SNX10: variants seen among roughly 807,000 people sequenced by gnomAD.
The protein encoded by SNX10 is sorting nexin 10.
Under a neutral mutation model 28.5 loss-of-function variants are expected in SNX10, and 25 were observed. That is an observed-to-expected ratio of 0.88 (90% CI 0.64 to 1.22). The LOEUF (loss-of-function observed/expected upper bound fraction) is 1.22. Ranked by LOEUF, SNX10 falls within the 50% of genes most tolerant of loss-of-function variation. The pLI, the probability that SNX10 is intolerant of heterozygous loss-of-function variation, is 0.00. For synonymous variants in SNX10, 62 were observed against 81.4 expected (o/e 0.76, Z 1.28); for missense variants, 223 against 242.6 (o/e 0.92, Z 0.54).
chr7:26,309,442 C>A (rs1180018908), intron 1 of SNX10, among the ~76,000 whole-genome samples: 5 of 151,950 alleles, frequency 3.3e-5, no homozygotes, highest in Non-Finnish European at 5.9e-5. Flanking sequence ...TGATTATGTA[C>A]TGGACTGACT....
chr7:26,339,530 C>CTTT lies in SNX10; in HGVS notation c.-23-6880_-23-6878dup, dbSNP rs142702810. Among the ~76,000 whole-genome samples, 186 of 95,952 alleles carry CTTT rather than the reference C, an allele frequency of 1.9e-3. 16 individuals are homozygous for CTTT. Among genetic ancestry groups the CTTT allele is most frequent in the Middle Eastern group, 7.9e-3 (1 of 126 alleles). The allele number at this position is 95,952 out of a possible 152,430, so 62.9% of individuals were successfully genotyped here. On this transcript the variant is annotated intron_variant, in intron 1 of 6. Coordinates refer to ENST00000338523, the MANE Select transcript of SNX10 (RefSeq NM_013322.3). The stretch of plus-strand genomic sequence containing the variant: ...TTTGTTTGTTGTTGTTGAGCTTGAT[C>CTTT]TTTTTTTTTTTTCTTTTTTTTTTGA...
chr7:26,325,153 T>C (rs1183508069), intron 1 of SNX10, among the ~76,000 whole-genome samples: 1 of 151,464 alleles, frequency 6.6e-6, no homozygotes, highest in Non-Finnish European at 1.5e-5. Flanking sequence ...CTGTGACTAA[T>C]AAGATTAGGA....
At chr7:26,339,197 A>G (rs1214374310) in intron 1 of SNX10, among the ~76,000 whole-genome samples, 1 of 152,214 alleles carries the variant, frequency 6.6e-6, no homozygotes, top group Non-Finnish European at 1.5e-5. Flanking sequence ...AGGACATCTT[A>G]AGCGTTAGAA....
chr7:26,302,253 T>C (rs1315751203), intron 1 of SNX10, among the ~76,000 whole-genome samples: 2 of 152,140 alleles, frequency 1.3e-5, no homozygotes, highest in Non-Finnish European at 2.9e-5. Context: ...GTTCTCTGGG[T>C]ATCAGAGAAA....
In SNX10 at chr7:26,364,529, G is replaced by T. The variant is rs1165478736; in HGVS notation, c.112-6G>T. On this transcript the variant is annotated splice_polypyrimidine_tract_variant and splice_region_variant and intron_variant, in intron 3 of 6. Coordinates refer to ENST00000338523, the MANE Select transcript of SNX10 (RefSeq NM_013322.3). The surrounding 1 kb of genome is among the most constrained non-coding windows in gnomAD (Gnocchi z 4.9). ...TAAGACTCATTTTTCTACTTTCTCT[G>T]TACAGACTAATAGCATGTGTTTTAC... is the stretch of plus-strand genomic sequence containing the variant. 1 of 1,609,656 alleles carries T rather than the reference G, an allele frequency of 6.2e-7. No individual in the cohort carries two copies. The highest frequency in any genetic ancestry group is 1.3e-5 in the African/African-American group (1 of 74,746).
At chr7:26,327,481 ATG>A (rs1184349607) in intron 1 of SNX10, among the ~76,000 whole-genome samples, 1 of 152,202 alleles carries the variant, frequency 6.6e-6, no homozygotes, top group Non-Finnish European at 1.5e-5. Flanking sequence ...TGCACTGTCT[ATG>A]AAGTGCCTGG....
rs142159832 is a variant in SNX10 at position 26,340,791 on chromosome 7, G to C, written c.-23-5629G>C. 6.6e-5 allele frequency among the ~76,000 whole-genome samples: 10 copies of C among 152,342 alleles called. No homozygotes were observed. The East Asian group carries it at 1.4e-3, about 21-fold the overall frequency. ...TTTTCATTTGTTTATTTTAGAGACAGAGTCTCGCTCTGTTGTCTAGGCTGG... is the reference window on the plus strand; with the variant it reads ...TTTTCATTTGTTTATTTTAGAGACACAGTCTCGCTCTGTTGTCTAGGCTGG... On this transcript the variant is annotated intron_variant, in intron 1 of 6. Transcript: ENST00000338523.
At chr7:26,346,183 C>T (rs1788379928) in intron 1 of SNX10, among the ~76,000 whole-genome samples, 2 of 152,186 alleles carry the variant, frequency 1.3e-5, no homozygotes, top group South Asian at 4.1e-4. Context: ...GAAGGTCTGT[C>T]ATCATCCAGC....
chr7:26,348,078 C>T (rs1788458426), intron 2 of SNX10, among the ~76,000 whole-genome samples: 1 of 152,102 alleles, frequency 6.6e-6, no homozygotes, highest in Non-Finnish European at 1.5e-5. Context: ...CTGATCATGG[C>T]CTAAATGGAT....
At chr7:26,342,050 C>T (rs1788202566) in intron 1 of SNX10, among the ~76,000 whole-genome samples, 2 of 97,206 alleles carry the variant, frequency 2.1e-5, no homozygotes, top group Admixed American at 1.3e-4. Context: ...TTTTTAGATG[C>T]AGTCTTGCTC....
In SNX10 at chr7:26,364,339, T is replaced by C. The variant is rs2128023986; in HGVS notation, c.112-196T>C. 4 of 1,297,862 alleles carry C rather than the reference T, an allele frequency of 3.1e-6. No homozygotes were observed. The highest frequency in any genetic ancestry group is 3.9e-6 in the Non-Finnish European group (4 of 1,022,980). 80.4% of individuals were successfully genotyped at this position (1,297,862 alleles called of 1,614,324 possible). A position where few individuals can be genotyped will look rare whatever the true frequency, so the allele number is the denominator to read the frequency against. ...CCTGGGGCAACACTGCTTATTTCCATCATCCTGGCTGTCTTCAGGGCTGTT... is the reference window on the plus strand; with the variant it reads ...CCTGGGGCAACACTGCTTATTTCCACCATCCTGGCTGTCTTCAGGGCTGTT... On this transcript the variant is annotated intron_variant, in intron 3 of 6. Transcript: ENST00000338523. The surrounding 1 kb of genome is among the most constrained non-coding windows in gnomAD (Gnocchi z 4.9).
In SNX10 at chr7:26,364,652, A is replaced by G. The variant is rs1789218854; in HGVS notation, c.212+17A>G. On this transcript the variant is annotated intron_variant, in intron 4 of 6. Coordinates refer to ENST00000338523, the MANE Select transcript of SNX10 (RefSeq NM_013322.3). This position sits in a 1 kb window ranked among gnomAD's most constrained non-coding sequence, Gnocchi z 4.9. ...GTTGCTGGTGTAAGTGATTTAGAGTATACTGTGGAGACTTTGTCATTATAT... is the reference window on the plus strand; with the variant it reads ...GTTGCTGGTGTAAGTGATTTAGAGTGTACTGTGGAGACTTTGTCATTATAT... 1 of 1,555,792 alleles carries G rather than the reference A, an allele frequency of 6.4e-7. No individual in the cohort carries two copies. The highest frequency in any genetic ancestry group is 2.2e-5 in the East Asian group (1 of 44,546).
intron 1 of SNX10, among the ~76,000 whole-genome samples, chr7:26,316,197 AC>A (rs780170578): frequency 8.0e-5 from 12 of 150,888 alleles, no homozygotes; most frequent in East Asian, 5.8e-4. Context: ...AAAAAAAAAA[AC>A]AAAAAACCTA....
At chr7:26,335,933 C>T (rs1030415591) in intron 1 of SNX10, among the ~76,000 whole-genome samples, 3 of 151,104 alleles carry the variant, frequency 2.0e-5, no homozygotes, top group East Asian at 1.9e-4. Flanking sequence ...TTAGTAGAGA[C>T]GGGGTTTCAC....
intron 1 of SNX10, among the ~76,000 whole-genome samples, chr7:26,303,359 G>A (rs989326175): frequency 6.6e-6 from 1 of 152,168 alleles, no homozygotes; most frequent in Non-Finnish European, 1.5e-5. Context: ...CAAGGCCCAA[G>A]TCCTCTAACT....
At chr7:26,335,735 CTTTTTTTTTTTTTTTTT>C (rs57340085) in intron 1 of SNX10, among the ~76,000 whole-genome samples, 1 of 84,254 alleles carries the variant, frequency 1.2e-5, no homozygotes, top group Non-Finnish European at 2.3e-5. Context: ...ATGGAATATT[CTTTTTTTTTTTTTTTTT>C]TTTTTTTTTG....
At chr7:26,360,809 G>C in intron 2 of SNX10, 166 bp from the exon 3 acceptor site, 2 of 1,435,642 alleles carry the variant, frequency 1.4e-6, no homozygotes, top group African/African-American at 1.5e-5. Context: ...AGATTTGCTC[G>C]TGGTGCCTGA....
At chr7:26,341,956 C>T (rs551955990) in intron 1 of SNX10, among the ~76,000 whole-genome samples, 1 of 138,592 alleles carries the variant, frequency 7.2e-6, no homozygotes, top group African/African-American at 2.9e-5. Context: ...TCCCTCCCCT[C>T]CCCTCTTTCT....
At chr7:26,292,194 G>T (rs1046554740) in intron 1 of SNX10, 108 bp downstream of exon 1, 1 of 152,286 alleles carries the variant, frequency 6.6e-6, no homozygotes. Context: ...CCAGGTGCCC[G>T]CACCCTTGCG....
Sources: gnomAD v4.1 joint callset for allele counts (sites outside exome capture counted in the v4.1 genomes callset) on GRCh38, gnomAD v4.1.1 for gene constraint, Gnocchi (gnomAD v3.1) non-coding constraint, MANE v1.5 for transcripts, NCBI Gene and HGNC (gene_info 2026-07-23, HGNC 2026-07-21) for gene names.